Variants in PAX2 observed in about 807,000 individuals in gnomAD.
PAX2 encodes the protein paired box 2.
Under a neutral mutation model 41.7 loss-of-function variants are expected in PAX2, and 9 were observed. That is an observed-to-expected ratio of 0.22 (90% confidence interval 0.13 to 0.38). The LOEUF (loss-of-function observed/expected upper bound fraction) is 0.38, where lower values mean the gene tolerates loss of function less well. Ranked by LOEUF, PAX2 falls within the 10% of genes least tolerant of loss-of-function variation. The pLI is 1.00. For missense variants in PAX2, 418 were observed against 531.6 expected, an observed-to-expected ratio of 0.79 and a Z score of 2.10; for synonymous variants, 221 against 212.7, an observed-to-expected ratio of 1.04 and a Z score of -0.34.
At chr10:100,755,484 T>G (rs1183807090) in intron 3 of PAX2, among the ~76,000 whole-genome samples, 2 of 152,240 alleles carry the variant, frequency 1.3e-5, no homozygotes, top group African/African-American at 4.8e-5. Context: ...CCAACTGTTC[T>G]GAGAACTCAA....
chr10:100,739,014 GACACACACACAC>G (rs61617727), intron 1 of PAX2, among the ~76,000 whole-genome samples: 10 of 138,352 alleles, frequency 7.2e-5, no homozygotes, highest in African/African-American at 1.6e-4. Flanking sequence ...CGCGCACGCG[GACACACACACAC>G]ACACACACAC....
intron 3 of PAX2, among the ~76,000 whole-genome samples, chr10:100,751,116 C>T (rs1192487082): frequency 6.6e-6 from 1 of 152,210 alleles, no homozygotes; most frequent in Non-Finnish European, 1.5e-5. Context: ...CAGGCTTCTC[C>T]CGCCGGCGTC....
At chr10:100,794,296 G>C (rs913726282) in intron 5 of PAX2, among the ~76,000 whole-genome samples, 1 of 152,204 alleles carries the variant, frequency 6.6e-6, no homozygotes. Flanking sequence ...TCCAGATGTG[G>C]GTCCATCTCC....
chr10:100,777,261 C>G (rs1846427872), intron 3 of PAX2, among the ~76,000 whole-genome samples: 1 of 151,668 alleles, frequency 6.6e-6, no homozygotes, highest in Admixed American at 6.6e-5. Context: ...ACCACCACAC[C>G]TGGCTAATTT....
intron 5 of PAX2, among the ~76,000 whole-genome samples, chr10:100,797,767 T>G (rs1228052916): frequency 6.6e-6 from 1 of 152,200 alleles, no homozygotes; most frequent in Non-Finnish European, 1.5e-5. Context: ...CTGAGGAAAC[T>G]CAATCCAGAA....
At chr10:100,808,329 G>C (rs981818072) in intron 6 of PAX2, among the ~76,000 whole-genome samples, 2 of 152,092 alleles carry the variant, frequency 1.3e-5, no homozygotes, top group African/African-American at 4.8e-5. Flanking sequence ...GGAGGGGAGG[G>C]GGTACTCTAG....
chr10:100,754,006 A>G (rs967921407), intron 3 of PAX2, among the ~76,000 whole-genome samples: 2 of 152,186 alleles, frequency 1.3e-5, no homozygotes, highest in African/African-American at 4.8e-5. Context: ...TGGGTTACCA[A>G]TGGCTGAGCA....
chr10:100,826,974 A>C lies in PAX2; in HGVS notation c.1022-35A>C. 6.8e-7 allele frequency: 1 copy of C among 1,468,648 alleles called. No homozygotes were observed. Among genetic ancestry groups the C allele is most frequent in the Non-Finnish European group, 9.5e-7 (1 of 1,048,940 alleles). 91.0% of individuals were successfully genotyped at this position (1,468,648 alleles called of 1,614,324 possible). A position where few individuals can be genotyped will look rare whatever the true frequency, so the allele number is the denominator to read the frequency against. Reference sequence around the variant, plus strand: ...ACTCGTGGGGTCCGCCCTGGCTTGCAGGCGTCTGATCCCCACTCCCCGACC... The same window carrying C: ...ACTCGTGGGGTCCGCCCTGGCTTGCCGGCGTCTGATCCCCACTCCCCGACC... On this transcript the variant is annotated intron_variant, in intron 8 of 9. Transcript: ENST00000355243. This position sits in a 1 kb window ranked among gnomAD's most constrained non-coding sequence, Gnocchi z 5.5.
rs1589911160 is a variant in PAX2, at chr10:100,827,387, C to A, written c.1109-156C>A. 6.6e-6 allele frequency among the ~76,000 whole-genome samples: 1 copy of A among 152,238 alleles called. No homozygotes were observed. The highest frequency in any genetic ancestry group is 2.1e-4 in the South Asian group (1 of 4,832). On this transcript the variant is annotated intron_variant, in intron 9 of 9. Transcript: ENST00000355243. This position sits in a 1 kb window ranked among gnomAD's most constrained non-coding sequence, Gnocchi z 8.5. The stretch of plus-strand genomic sequence containing the variant: ...CTCATGCCCCGTGAACGCAACTATT[C>A]TCCGGGGCAACTGGCTCCACTGCCC...
chr10:100,742,237 G>A (rs930053314), upstream of PAX2, among the ~76,000 whole-genome samples: 2 of 152,316 alleles, frequency 1.3e-5, no homozygotes, highest in Admixed American at 1.3e-4. Context: ...AGCGGGCAGT[G>A]GACTAGGTCT....
chr10:100,749,673 G>T, intron 1 of PAX2, 73 bp from the exon 2 acceptor site: 1 of 1,556,276 alleles, frequency 6.4e-7, no homozygotes, highest in East Asian at 2.3e-5. Context: ...GCCCGTCCCG[G>T]GCCGCGGACC....
Position 100,824,540 on chromosome 10 carries a change from C to G in PAX2, c.920-108C>G. The G allele has an allele frequency of 1.2e-6, 1 of 842,566 alleles. No homozygotes were observed. The highest frequency in any genetic ancestry group is 2.1e-6 in the Non-Finnish European group (1 of 481,574). The allele number at this position is 842,566 out of a possible 1,614,324, so 52.2% of individuals were successfully genotyped here. ...GCACACATACCCCTGCACGTCTGCA[C>G]AGAGCTCTTTCCTCTCCAAGAGTTT... On this transcript the variant is annotated intron_variant, in intron 7 of 9. Transcript: ENST00000355243. This position sits in a 1 kb window ranked among gnomAD's most constrained non-coding sequence, Gnocchi z 6.6.
chr10:100,779,421 C>A, intron 3 of PAX2, 77 bp from the exon 4 acceptor site: 4 of 1,256,670 alleles, frequency 3.2e-6, no homozygotes, highest in South Asian at 1.3e-5. Flanking sequence ...GAGAGAGCCC[C>A]TTTGCAGGGC....
intron 7 of PAX2, among the ~76,000 whole-genome samples, chr10:100,810,061 CT>C (rs951518204): frequency 2.6e-5 from 4 of 151,954 alleles, no homozygotes; most frequent in Non-Finnish European, 5.9e-5. Context: ...TCTGGAGACA[CT>C]AAAGCCAATG....
chr10:100,746,609 C>T (rs969965401), intron 1 of PAX2, among the ~76,000 whole-genome samples: 10 of 152,334 alleles, frequency 6.6e-5, no homozygotes, highest in South Asian at 4.1e-4. Context: ...GGCCTCGGAG[C>T]CCTGGTTCCA....
In PAX2 at chr10:100,781,334, C is replaced by A. The variant is rs752246283; in HGVS notation, c.585C>A (p.Arg195=). The A allele has an allele frequency of 1.1e-5, 17 of 1,613,738 alleles. No individual in the cohort carries two copies. Among genetic ancestry groups the A allele is most frequent in the African/African-American group, 4.0e-5 (3 of 74,920 alleles). The part of the protein sequence containing the change: ...YSINGILGIP[R]SNGEKRKRDE... ...TCAATGGGATCCTGGGGATTCCTCG[C>A]TCCAATGGTGAGAAGAGGAAACGTG... is the stretch of plus-strand genomic sequence containing the variant. Residue 195 remains arginine, a synonymous_variant, in exon 5 of 10, where the codon CGC becomes CGA. Transcript: ENST00000355243.
At chr10:100,790,230 G>A (rs1270236544) in intron 5 of PAX2, among the ~76,000 whole-genome samples, 3 of 152,176 alleles carry the variant, frequency 2.0e-5, no homozygotes, top group Non-Finnish European at 4.4e-5. Flanking sequence ...TACCAGGAGA[G>A]AATATACAGA....
At chr10:100,739,557 G>A (rs1267737558) in intron 1 of PAX2, among the ~76,000 whole-genome samples, 1 of 152,226 alleles carries the variant, frequency 6.6e-6, no homozygotes. Flanking sequence ...GCCCGGTCGC[G>A]CGCGCTCACC....
At chr10:100,797,512 G>A (rs1455194520) in intron 5 of PAX2, among the ~76,000 whole-genome samples, 2 of 152,220 alleles carry the variant, frequency 1.3e-5, no homozygotes, top group African/African-American at 2.4e-5. Context: ...GTTAATATAT[G>A]TAAGATTATC....
Sources: gnomAD v4.1 joint callset for allele counts (sites outside exome capture counted in the v4.1 genomes callset) on GRCh38, gnomAD v4.1.1 for gene constraint, Gnocchi (gnomAD v3.1) non-coding constraint, MANE v1.5 for transcripts, NCBI Gene and HGNC (gene_info 2026-07-23, HGNC 2026-07-21) for gene names.